TCEA1: variants seen among roughly 807,000 people sequenced by gnomAD.
The protein encoded by TCEA1 is transcription elongation factor A1, also known as transcription elongation factor A protein 1.
In TCEA1, 21 loss-of-function variants were observed where a neutral mutation model predicts 43.8. The observed-to-expected ratio is 0.48, with a 90% CI of 0.34 to 0.69. TCEA1 has a LOEUF of 0.69. TCEA1 is among the 30% of genes least tolerant of loss of function. The pLI, the probability that TCEA1 is intolerant of heterozygous loss-of-function variation, is 0.01. For missense variants in TCEA1, 250 were observed against 365.1 expected (o/e 0.68, Z 2.57); for synonymous variants, 104 against 117.5 (o/e 0.88, Z 0.75).
At chr8:53,970,495 G>A (rs535698996) in intron 8 of TCEA1, 32 bp from the exon 9 acceptor site, 29 of 1,410,814 alleles carry the variant, frequency 2.1e-5, no homozygotes, top group Non-Finnish European at 2.8e-5. Flanking sequence ...TGTACTTTTT[G>A]CAGTACTATT....
intron 3 of TCEA1, among the ~76,000 whole-genome samples, chr8:53,999,308 A>T (rs1356892130): frequency 1.3e-5 from 2 of 151,982 alleles, no homozygotes; most frequent in Non-Finnish European, 1.5e-5. Flanking sequence ...AAAACAAAAG[A>T]ACTATAAAAA....
At chr8:54,010,559 G>A (rs1169501201) in intron 1 of TCEA1, 67 bp from the exon 2 acceptor site, 26 of 1,280,298 alleles carry the variant, frequency 2.0e-5, no homozygotes, top group East Asian at 5.1e-5. Context: ...CAGAAATAAG[G>A]TTCATGGGAG....
intron 1 of TCEA1, among the ~76,000 whole-genome samples, chr8:54,015,342 G>C (rs1043318225): frequency 6.6e-6 from 1 of 151,888 alleles, no homozygotes; most frequent in African/African-American, 2.4e-5. Context: ...ACTAATTTTT[G>C]TATTTTCAGT....
intron 8 of TCEA1, chr8:53,971,891 A>C (rs1189758522): frequency 5.4e-6 from 1 of 185,808 alleles, no homozygotes; most frequent in African/African-American, 2.4e-5. Flanking sequence ...TGAGAGAATT[A>C]AAAAAATGAA....
chr8:54,021,976 G>T (rs1333148661), intron 1 of TCEA1, 87 bp downstream of exon 1: 1 of 1,273,520 alleles, frequency 7.9e-7, no homozygotes, highest in Non-Finnish European at 1.0e-6. Context: ...GCAGGGGGAG[G>T]GGAGGGAGAA....
rs1803712856 is a variant in TCEA1, at chr8:53,987,121, C to T, written c.467-96G>A. 5 of 1,029,638 alleles carry T rather than the reference C, an allele frequency of 4.9e-6. No homozygotes were observed. The East Asian group carries it at 1.0e-4, about 22-fold the overall frequency. 63.8% of individuals were successfully genotyped at this position (1,029,638 alleles called of 1,614,324 possible). ...AAACTGCATTCCTATTTCTTAAACCCCATTTGCCTGACATAAAGAAACCGT... is the reference window on the plus strand; with the variant it reads ...AAACTGCATTCCTATTTCTTAAACCTCATTTGCCTGACATAAAGAAACCGT... On this transcript the variant is annotated intron_variant, in intron 5 of 9. Transcript: ENST00000521604.
Position 53,969,497 on chromosome 8 carries a change from G to GA in TCEA1, c.897+894dup, listed in dbSNP as rs78315623. On this transcript the variant is annotated intron_variant, in intron 9 of 9. Coordinates refer to ENST00000521604, the MANE Select transcript of TCEA1 (RefSeq NM_006756.4). ...CTGAAAAGTCTATGTAAGTATAAATGAAAAAAAAAAGAATCTTGTACAAAC... is the reference window on the plus strand; with the variant it reads ...CTGAAAAGTCTATGTAAGTATAAATGAAAAAAAAAAAGAATCTTGTACAAAC... 1.3e-3 allele frequency among the ~76,000 whole-genome samples: 192 copies of GA among 144,034 alleles called. 1 individual carries two copies. The highest frequency in any genetic ancestry group is 4.0e-3 in the South Asian group (18 of 4,518). 94.5% of individuals were successfully genotyped at this position (144,034 alleles called of 152,430 possible). A position where few individuals can be genotyped will look rare whatever the true frequency, so the allele number is the denominator to read the frequency against.
At chr8:53,996,549 G>A (rs1586016473) in intron 3 of TCEA1, among the ~76,000 whole-genome samples, 3 of 152,278 alleles carry the variant, frequency 2.0e-5, no homozygotes, top group African/African-American at 7.2e-5. Flanking sequence ...AGCTAACAAT[G>A]TAAAGAAAAA....
intron 2 of TCEA1, among the ~76,000 whole-genome samples, chr8:54,002,430 C>T (rs1472263797): frequency 6.6e-6 from 1 of 150,834 alleles, no homozygotes; most frequent in African/African-American, 2.5e-5. Context: ...GATTGCACCA[C>T]TGCACTCCAG....
At chr8:53,972,451 A>G in intron 8 of TCEA1, 1 of 516,432 alleles carries the variant, frequency 1.9e-6, no homozygotes, top group South Asian at 1.5e-5. Context: ...AGTTTTGGGC[A>G]TGCATGGAGA....
rs1804202823 is a variant in TCEA1 at position 53,999,948 on chromosome 8, A to AT, written c.228dup (p.Leu77IlefsTer7). ...TGTAAGGGAAGATCAATGATACCTA[A>AT]TAATTTTTTCCAGGATTTGATGAGA... On this transcript the variant is annotated frameshift_variant, in exon 3 of 10. Coordinates refer to ENST00000521604, the MANE Select transcript of TCEA1 (RefSeq NM_006756.4). LOFTEE classifies it high-confidence loss of function. 6.4e-7 allele frequency: 1 copy of AT among 1,569,772 alleles called. No individual in the cohort carries two copies. Among genetic ancestry groups the AT allele is most frequent in the African/African-American group, 1.3e-5 (1 of 74,242 alleles).
At chr8:53,973,231 A>T in intron 8 of TCEA1, 3 of 473,132 alleles carry the variant, frequency 6.3e-6, no homozygotes, top group Non-Finnish European at 7.9e-6. Flanking sequence ...TTCAAGAAAA[A>T]GAAAAGAAAG....
intron 1 of TCEA1, among the ~76,000 whole-genome samples, chr8:54,010,916 A>G (rs1366734330): frequency 6.6e-6 from 1 of 151,942 alleles, no homozygotes; most frequent in Non-Finnish European, 1.5e-5. Context: ...CCTGGGTTCA[A>G]GCGATTCTCC....
At chr8:54,013,185 T>C (rs1316405273) in intron 1 of TCEA1, among the ~76,000 whole-genome samples, 3 of 152,144 alleles carry the variant, frequency 2.0e-5, no homozygotes, top group African/African-American at 4.8e-5. Context: ...GTTTAAATTG[T>C]TTTCCAAGTA....
intron 4 of TCEA1, among the ~76,000 whole-genome samples, chr8:53,993,172 C>T (rs1220883538): frequency 4.9e-5 from 7 of 141,658 alleles, no homozygotes; most frequent in Non-Finnish European, 9.1e-5. Context: ...AGGGTTTCAC[C>T]GTGTTAGCCA....
intron 2 of TCEA1, among the ~76,000 whole-genome samples, chr8:54,008,697 T>C (rs1804556036): frequency 6.7e-6 from 1 of 149,208 alleles, no homozygotes; most frequent in East Asian, 2.0e-4. Context: ...AGAACATGAA[T>C]AGATATTTCT....
At chr8:53,987,142 A>G (rs2129303284) in intron 5 of TCEA1, 117 bp from the exon 6 acceptor site, 1 of 861,362 alleles carries the variant, frequency 1.2e-6, no homozygotes, top group Non-Finnish European at 1.8e-6. Flanking sequence ...ACATAAAGAA[A>G]CCGTTCAGTT....
At chr8:54,011,499 G>A (rs1471096382) in intron 1 of TCEA1, among the ~76,000 whole-genome samples, 1 of 152,238 alleles carries the variant, frequency 6.6e-6, no homozygotes, top group African/African-American at 2.4e-5. Flanking sequence ...CACAAGTTCT[G>A]ATGCTAGGTT....
At chr8:54,021,976 G>C (rs1333148661) in intron 1 of TCEA1, 87 bp downstream of exon 1, 7 of 1,273,412 alleles carry the variant, frequency 5.5e-6, no homozygotes, top group Non-Finnish European at 7.2e-6. Context: ...GCAGGGGGAG[G>C]GGAGGGAGAA....
Sources: allele counts gnomAD v4.1 joint callset (sites outside exome capture counted in the v4.1 genomes callset), GRCh38; gene constraint gnomAD v4.1.1; transcripts MANE v1.5; gene names NCBI Gene and HGNC (gene_info 2026-07-23, HGNC 2026-07-21).